CSMD1: variants seen among roughly 807,000 people sequenced by gnomAD.
CSMD1 encodes CUB and sushi domain-containing protein 1.
Under a neutral mutation model 417.5 loss-of-function variants are expected in CSMD1, and 213 were observed. The ratio of observed to expected loss-of-function variants is 0.51; its 90% CI spans 0.46 to 0.57. CSMD1 has a LOEUF of 0.57. Ranked by LOEUF, CSMD1 falls within the 20% of genes least tolerant of loss-of-function variation. CSMD1 has a pLI of 0.00. For missense variants in CSMD1, 6,923 were observed against 4,529.7 expected (o/e 1.53, Z -15.17); for synonymous variants, 2,862 against 1,736.8 (o/e 1.65, Z -16.11).
At chr8:4,419,336 T>TTCA (rs1230296662) in intron 3 of CSMD1, among the ~76,000 whole-genome samples, 3 of 152,188 alleles carry the variant, frequency 2.0e-5, no homozygotes, top group Non-Finnish European at 4.4e-5. Flanking sequence ...AACCTAATAC[T>TTCA]TGAAATGATA....
intron 33 of CSMD1, among the ~76,000 whole-genome samples, chr8:3,193,069 C>A (rs762098440): frequency 1.3e-5 from 2 of 152,112 alleles, no homozygotes; most frequent in Non-Finnish European, 2.9e-5. Flanking sequence ...GCAAAGGTTG[C>A]ACTTATCTAA....
intron 3 of CSMD1, among the ~76,000 whole-genome samples, chr8:4,311,302 T>C (rs563036983): frequency 5.6e-4 from 86 of 152,326 alleles, no homozygotes; most frequent in African/African-American, 2.0e-3. Context: ...ATGTACACCA[T>C]GGAATACTAT....
At chr8:3,712,153 T>A (rs1801546147) in intron 6 of CSMD1, among the ~76,000 whole-genome samples, 1 of 93,536 alleles carries the variant, frequency 1.1e-5, no homozygotes, top group Non-Finnish European at 2.4e-5. Flanking sequence ...GTAATTTGTT[T>A]CAAGTTACTA....
intron 47 of CSMD1, among the ~76,000 whole-genome samples, chr8:3,093,883 C>A (rs1226834603): frequency 6.6e-6 from 1 of 152,140 alleles, no homozygotes; most frequent in Non-Finnish European, 1.5e-5. Context: ...GGCTAAATTT[C>A]CTGGGAGATG....
chr8:4,219,274 T>C (rs1585044155), intron 3 of CSMD1, among the ~76,000 whole-genome samples: 2 of 152,254 alleles, frequency 1.3e-5, no homozygotes, highest in Non-Finnish European at 2.9e-5. Context: ...AATATGTGAT[T>C]ATTTCTTTCA....
intron 6 of CSMD1, among the ~76,000 whole-genome samples, chr8:3,714,561 C>CCAAA (rs1554519550): frequency 7.1e-5 from 5 of 70,554 alleles, no homozygotes; most frequent in Non-Finnish European, 1.3e-4. Context: ...ATCTCTATCC[C>CCAAA]AAAAAAAAAA....
chr8:4,284,204 C>A (rs1437011954), intron 3 of CSMD1, among the ~76,000 whole-genome samples: 2 of 151,968 alleles, frequency 1.3e-5, no homozygotes, highest in Admixed American at 6.6e-5. Context: ...CCTATCTCTA[C>A]TAAAAATACA....
In CSMD1 at chr8:3,972,413, G is replaced by A. The variant is rs147247479; in HGVS notation, c.818+25490C>T. 1.0e-3 allele frequency among the ~76,000 whole-genome samples: 159 copies of A among 152,212 alleles called. 1 individual carries two copies. Among genetic ancestry groups the A allele is most frequent in the African/African-American group, 3.7e-3 (152 of 41,540 alleles). On this transcript the variant is annotated intron_variant, in intron 5 of 69. Coordinates refer to ENST00000635120, the MANE Select transcript of CSMD1 (RefSeq NM_033225.6). ...ACACAAGTATATTAGAAAGTCAAGT[G>A]ATTAACATTTAATGTAACTTTAGGT...
At chr8:3,064,094 A>G (rs1812763840) in intron 49 of CSMD1, among the ~76,000 whole-genome samples, 1 of 152,248 alleles carries the variant, frequency 6.6e-6, no homozygotes, top group Non-Finnish European at 1.5e-5. Context: ...TGAAGAAATG[A>G]AGCAGCAAGC....
chr8:4,213,641 G>C (rs1563284284), intron 3 of CSMD1, among the ~76,000 whole-genome samples: 1 of 152,222 alleles, frequency 6.6e-6, no homozygotes, highest in Non-Finnish European at 1.5e-5. Flanking sequence ...ATGCAGAGTA[G>C]GGTGATTGTT....
At chr8:4,440,586 CTT>C (rs1368439559) in intron 2 of CSMD1, among the ~76,000 whole-genome samples, 2 of 152,284 alleles carry the variant, frequency 1.3e-5, no homozygotes, top group African/African-American at 4.8e-5. Context: ...GCAAAACCAA[CTT>C]TAGCATTTTC....
intron 2 of CSMD1, among the ~76,000 whole-genome samples, chr8:4,632,673 G>T (rs192026540): frequency 2.0e-5 from 3 of 152,190 alleles, no homozygotes; most frequent in Non-Finnish European, 4.4e-5. Flanking sequence ...CTTCAGGGCA[G>T]GTGTGAGTTC....
chr8:4,967,657 T>C (rs1331569197), intron 1 of CSMD1, among the ~76,000 whole-genome samples: 1 of 152,176 alleles, frequency 6.6e-6, no homozygotes, highest in East Asian at 1.9e-4. Context: ...ATTCTCTGGT[T>C]CTAATGAGCA....
At chr8:4,758,024 A>C (rs1811780612) in intron 1 of CSMD1, among the ~76,000 whole-genome samples, 1 of 151,666 alleles carries the variant, frequency 6.6e-6, no homozygotes, top group African/African-American at 2.4e-5. Context: ...GACAGGATTT[A>C]CTGCACAAAC....
chr8:3,260,955 G>T (rs1801016076), intron 26 of CSMD1, among the ~76,000 whole-genome samples: 1 of 151,796 alleles, frequency 6.6e-6, no homozygotes, highest in South Asian at 2.1e-4. Context: ...GAAGAGTAAA[G>T]AAAAATAAAA....
intron 10 of CSMD1, among the ~76,000 whole-genome samples, chr8:3,568,424 G>T (rs554508545): frequency 1.3e-5 from 2 of 152,068 alleles, no homozygotes; most frequent in Non-Finnish European, 2.9e-5. Context: ...CAAAGAAAAA[G>T]AAAACTAAAC....
chr8:4,566,026 T>G (rs911750610), intron 2 of CSMD1, among the ~76,000 whole-genome samples: 1 of 152,006 alleles, frequency 6.6e-6, no homozygotes, highest in Non-Finnish European at 1.5e-5. Flanking sequence ...ACATATAACT[T>G]TAGCGAAACC....
chr8:4,065,995 G>T (rs535776350), intron 3 of CSMD1, among the ~76,000 whole-genome samples: 1 of 152,182 alleles, frequency 6.6e-6, no homozygotes, highest in Non-Finnish European at 1.5e-5. Flanking sequence ...AGGGGAAGGA[G>T]ACCCTTCTCC....
chr8:3,110,107 C>G, intron 43 of CSMD1, 51 bp downstream of exon 43: 1 of 1,451,316 alleles, frequency 6.9e-7, no homozygotes, highest in Non-Finnish European at 9.3e-7. Flanking sequence ...TATGCTAAGT[C>G]AGAATTGTTG....
Sources: allele counts gnomAD v4.1 joint callset (sites outside exome capture counted in the v4.1 genomes callset), GRCh38; gene constraint gnomAD v4.1.1; transcripts MANE v1.5; gene names NCBI Gene and HGNC (gene_info 2026-07-23, HGNC 2026-07-21).